The following BANK1 variants were observed in gnomAD, a reference collection of about 807,000 sequenced individuals.
BANK1 encodes B cell scaffold protein with ankyrin repeats 1.
Under a neutral mutation model 94.5 loss-of-function variants are expected in BANK1, and 95 were observed. That is an observed-to-expected ratio of 1.00 (90% CI 0.85 to 1.19). The LOEUF is 1.19. Among genes scored for constraint, BANK1 ranks in the 50% most tolerant of loss-of-function variants. The pLI is 0.00. For missense variants in BANK1, 987 were observed against 932.2 expected, an observed-to-expected ratio of 1.06 and a Z score of -0.77; for synonymous variants, 334 against 308.4, an observed-to-expected ratio of 1.08 and a Z score of -0.87.
intron 7 of BANK1, among the ~76,000 whole-genome samples, chr4:101,997,518 T>C (rs1050140232): frequency 5.9e-5 from 9 of 151,756 alleles, no homozygotes; most frequent in African/African-American, 2.2e-4. Flanking sequence ...CCAGCTCCTC[T>C]TGTAGAATTT....
intron 1 of BANK1, among the ~76,000 whole-genome samples, chr4:101,827,476 G>A (rs1398414935): frequency 6.6e-6 from 1 of 151,912 alleles, no homozygotes; most frequent in Non-Finnish European, 1.5e-5. Flanking sequence ...AGGTTAGAAT[G>A]TTTTACTTTC....
chr4:101,964,441 T>C (rs556711400), intron 7 of BANK1, among the ~76,000 whole-genome samples: 2 of 152,232 alleles, frequency 1.3e-5, no homozygotes, highest in South Asian at 4.1e-4. Context: ...TTGTAATTTC[T>C]TTCTTTTCTG....
intron 10 of BANK1, among the ~76,000 whole-genome samples, chr4:102,037,572 AAG>A (rs1017969007): frequency 9.9e-5 from 15 of 152,178 alleles, no homozygotes; most frequent in African/African-American, 3.1e-4. Flanking sequence ...GAAAATTGAA[AAG>A]AGTCTCCCCT....
intron 7 of BANK1, among the ~76,000 whole-genome samples, chr4:101,991,657 G>T (rs187462627): frequency 3.4e-4 from 52 of 152,204 alleles, no homozygotes; most frequent in African/African-American, 1.2e-3. Flanking sequence ...ATGCCATAAG[G>T]CCCTGTTAGC....
intron 6 of BANK1, among the ~76,000 whole-genome samples, chr4:101,910,329 A>G (rs949983425): frequency 2.0e-5 from 3 of 152,218 alleles, no homozygotes; most frequent in Non-Finnish European, 4.4e-5. Flanking sequence ...TAAAATTGAC[A>G]TATATCAAAT....
At position 101,804,641 on chromosome 4, in the gene BANK1, G is replaced by A. The variant is rs187397250; in HGVS notation, c.70+13691G>A. Among the ~76,000 whole-genome samples the A allele has an allele frequency of 3.4e-3, 521 of 152,264 alleles. 4 individuals carry two copies. The highest frequency in any genetic ancestry group is 0.024 in the South Asian group (114 of 4,814). ...TGGGCAATTCATCCTGTAAACAGAT[G>A]ATGTAAACTTACAGTATTGATAAAT... On this transcript the variant is annotated intron_variant, in intron 1 of 16. Transcript: ENST00000322953.
At chr4:101,842,543 TC>T (rs1335305208) in intron 2 of BANK1, among the ~76,000 whole-genome samples, 1 of 152,148 alleles carries the variant, frequency 6.6e-6, no homozygotes, top group Non-Finnish European at 1.5e-5. Context: ...ACTTCTAGCA[TC>T]CCCATTTCAA....
intron 8 of BANK1, 48 bp downstream of exon 8, chr4:102,021,640 T>G: frequency 1.3e-6 from 1 of 767,140 alleles, no homozygotes; most frequent in African/African-American, 1.9e-5. Context: ...CATATATATA[T>G]CACATATATA....
intron 16 of BANK1, 95 bp from the exon 17 acceptor site, chr4:102,073,910 A>G (rs965421059): frequency 1.1e-5 from 6 of 546,654 alleles, no homozygotes; most frequent in Middle Eastern, 4.8e-4. Flanking sequence ...TGCTCTGTAG[A>G]AAGATTTATG....
chr4:101,921,255 C>A lies in BANK1; in HGVS notation c.1206+3066C>A, dbSNP rs111746934. 7.4e-3 allele frequency among the ~76,000 whole-genome samples: 1,122 copies of A among 151,868 alleles called. 11 individuals carry two copies. The highest frequency in any genetic ancestry group is 0.026 in the African/African-American group (1,060 of 41,466). On this transcript the variant is annotated intron_variant, in intron 7 of 16. Transcript: ENST00000322953. Reference sequence around the variant, plus strand: ...CATTTTTCAGTTTCTAACAATATCACCTGAGAGAATTAATATGAAAAGTAA... The same window carrying A: ...CATTTTTCAGTTTCTAACAATATCAACTGAGAGAATTAATATGAAAAGTAA...
rs150445254 is a variant in BANK1, at chr4:102,055,677, A to G, written c.1970-4534A>G. Among the ~76,000 whole-genome samples, 580 of 152,240 alleles carry G rather than the reference A, an allele frequency of 3.8e-3. 4 individuals are homozygous for G. The highest frequency in any genetic ancestry group is 0.013 in the African/African-American group (552 of 41,582). On this transcript the variant is annotated intron_variant, in intron 11 of 16. Transcript: ENST00000322953. ...ATTCACTTTTTTATATACCAGAAAT[A>G]TTAGTTTGGCGACATCATGAAAGAA... is the stretch of plus-strand genomic sequence containing the variant.
intron 7 of BANK1, among the ~76,000 whole-genome samples, chr4:101,968,932 T>C (rs909374000): frequency 1.3e-5 from 2 of 152,106 alleles, no homozygotes; most frequent in African/African-American, 4.8e-5. Flanking sequence ...GTGATGGTGG[T>C]AATACAGTCT....
chr4:101,854,761 T>C (rs571536944), intron 2 of BANK1, among the ~76,000 whole-genome samples: 1 of 152,298 alleles, frequency 6.6e-6, no homozygotes, highest in Non-Finnish European at 1.5e-5. Flanking sequence ...AAAATAGATA[T>C]GGTGACTGGA....
At chr4:101,858,604 C>T (rs1398371762) in intron 3 of BANK1, among the ~76,000 whole-genome samples, 1 of 152,070 alleles carries the variant, frequency 6.6e-6, no homozygotes, top group Admixed American at 6.6e-5. Context: ...TTAATATAAT[C>T]AACCCTAATT....
At chr4:102,050,822 C>CAT (rs35806336) in intron 11 of BANK1, among the ~76,000 whole-genome samples, 103,330 of 151,926 alleles carry the variant, frequency 0.68, 36,032 homozygotes, top group African/African-American at 0.84. Flanking sequence ...AATGAAAGAA[C>CAT]ATTTATTTTT....
chr4:101,797,228 A>G (rs1725186639), intron 1 of BANK1, among the ~76,000 whole-genome samples: 1 of 152,188 alleles, frequency 6.6e-6, no homozygotes, highest in Admixed American at 6.5e-5. Flanking sequence ...ATTAAGTCCA[A>G]TGATGTCAGT....
At chr4:101,957,270 A>C (rs1251393459) in intron 7 of BANK1, among the ~76,000 whole-genome samples, 1 of 151,850 alleles carries the variant, frequency 6.6e-6, no homozygotes, top group African/African-American at 2.4e-5. Flanking sequence ...TCTCATAGCC[A>C]CTCTTTCAGG....
At chr4:102,033,703 T>C (rs1727404664) in intron 10 of BANK1, among the ~76,000 whole-genome samples, 1 of 152,242 alleles carries the variant, frequency 6.6e-6, no homozygotes, top group Non-Finnish European at 1.5e-5. Flanking sequence ...GATAACAATA[T>C]AATTTACTCT....
intron 6 of BANK1, among the ~76,000 whole-genome samples, chr4:101,910,158 T>G (rs1365893952): frequency 6.6e-6 from 1 of 152,166 alleles, no homozygotes; most frequent in Non-Finnish European, 1.5e-5. Context: ...TTCAGATTGC[T>G]GCCATCTCTC....
Sources: gnomAD v4.1 joint callset for allele counts (sites outside exome capture counted in the v4.1 genomes callset) on GRCh38, gnomAD v4.1.1 for gene constraint, MANE v1.5 for transcripts, NCBI Gene and HGNC (gene_info 2026-07-23, HGNC 2026-07-21) for gene names.